Variants in WDR12 observed in about 807,000 individuals in gnomAD.
The protein encoded by WDR12 is ribosome biogenesis protein WDR12.
In WDR12, 42 loss-of-function variants were observed where a neutral mutation model predicts 64.3. The observed-to-expected ratio is 0.65, with a 90% CI of 0.51 to 0.84. WDR12 has a LOEUF of 0.84. WDR12 is among the 40% of genes least tolerant of loss of function. The pLI is 0.00. For synonymous variants in WDR12, 158 were observed against 173.3 expected (o/e 0.91, Z 0.70); for missense variants, 469 against 494.6 (o/e 0.95, Z 0.49).
At chr2:202,884,562 A>G (rs1175907804) in intron 8 of WDR12, 27 bp from the exon 9 acceptor site, 21 of 1,590,140 alleles carry the variant, frequency 1.3e-5, no homozygotes, top group Non-Finnish European at 1.7e-5. Flanking sequence ...CCAAAAGGGG[A>G]AAGTGTTTTC....
At chr2:202,881,759 G>A (rs1213322401) in intron 12 of WDR12, among the ~76,000 whole-genome samples, 4 of 152,072 alleles carry the variant, frequency 2.6e-5, no homozygotes, top group East Asian at 3.9e-4. Flanking sequence ...ACATGGGGGC[G>A]GGAGGATTGC....
Position 202,901,102 on chromosome 2 carries a change from C to A in WDR12, c.154G>T (p.Glu52Ter). ...KDKNEFHKHV[E>*]FDFLIKGQFL... ...TGGCCCTTAATAAGGAAATCAAACT[C>A]CACATGTTTGTGGAACTCTGAGGAA... The change falls in exon 3 of 13, where the codon GAG becomes TAG. Residue 52 changes from glutamate (E) to a stop codon, truncating the protein, a stop_gained. Coordinates refer to ENST00000261015, the MANE Select transcript of WDR12 (RefSeq NM_018256.4). LOFTEE classifies it high-confidence loss of function. The A allele has an allele frequency of 6.3e-7, 1 of 1,593,936 alleles. No individual in the cohort carries two copies. The highest frequency in any genetic ancestry group is 8.6e-7 in the Non-Finnish European group (1 of 1,166,114).
chr2:202,907,377 T>C (rs923227542), intron 2 of WDR12, among the ~76,000 whole-genome samples: 1 of 152,212 alleles, frequency 6.6e-6, no homozygotes, highest in African/African-American at 2.4e-5. Flanking sequence ...CTTCCATGTT[T>C]TGTTATATCC....
chr2:202,909,114 T>C (rs2105913290), intron 1 of WDR12, among the ~76,000 whole-genome samples: 1 of 152,342 alleles, frequency 6.6e-6, no homozygotes, highest in African/African-American at 2.4e-5. Flanking sequence ...GCAGTTGCTT[T>C]GGAAAACAGT....
chr2:202,896,777 A>G (rs1364073676), intron 5 of WDR12, among the ~76,000 whole-genome samples: 2 of 152,194 alleles, frequency 1.3e-5, no homozygotes, highest in African/African-American at 2.4e-5. Context: ...TCATGATGTC[A>G]GGAGTTCGAG....
intron 8 of WDR12, among the ~76,000 whole-genome samples, chr2:202,889,188 T>C (rs1442847863): frequency 1.3e-5 from 2 of 152,236 alleles, no homozygotes; most frequent in Non-Finnish European, 2.9e-5. Flanking sequence ...TATACTATTA[T>C]TTCTCTCAAA....
intron 3 of WDR12, among the ~76,000 whole-genome samples, chr2:202,900,683 C>A (rs1688332832): frequency 6.6e-6 from 1 of 152,088 alleles, no homozygotes; most frequent in African/African-American, 2.4e-5. Context: ...ATTTTGTGCA[C>A]CAGTATTTGT....
At chr2:202,894,982 C>T (rs1220835806) in intron 6 of WDR12, among the ~76,000 whole-genome samples, 2 of 152,150 alleles carry the variant, frequency 1.3e-5, no homozygotes, top group Non-Finnish European at 2.9e-5. Context: ...TCAATCTTTC[C>T]TTGGATCTCA....
Position 202,901,010 on chromosome 2 carries a change from A to G in WDR12, c.231+15T>C. ...TGCCTCAAGTGAAATACAGAAGATA[A>G]GAATTTGAACTTACTGATGAGATGT... On this transcript the variant is annotated intron_variant, in intron 3 of 12. Transcript: ENST00000261015. The G allele has an allele frequency of 6.4e-7, 1 of 1,564,228 alleles. No homozygotes were observed. Among genetic ancestry groups the G allele is most frequent in the South Asian group, 1.2e-5 (1 of 83,516 alleles).
chr2:202,889,993 G>C (rs1688121650), intron 8 of WDR12, among the ~76,000 whole-genome samples: 1 of 152,108 alleles, frequency 6.6e-6, no homozygotes, highest in African/African-American at 2.4e-5. Context: ...TTCGGAGGCT[G>C]AGGCAAGCAG....
intron 2 of WDR12, among the ~76,000 whole-genome samples, chr2:202,904,138 C>CAAAAAA (rs34378996): frequency 1.1e-3 from 43 of 38,510 alleles, no homozygotes; most frequent in South Asian, 2.2e-3. Context: ...AACTCTGTCT[C>CAAAAAA]AAAAAAAAAA....
intron 10 of WDR12, among the ~76,000 whole-genome samples, chr2:202,883,987 A>G (rs574449974): frequency 5.5e-4 from 83 of 151,962 alleles, no homozygotes; most frequent in African/African-American, 2.0e-3. Context: ...TGATTTTTGT[A>G]TTTTTAGTAA....
intron 8 of WDR12, among the ~76,000 whole-genome samples, chr2:202,889,986 G>A (rs562992984): frequency 2.0e-5 from 3 of 152,108 alleles, no homozygotes; most frequent in East Asian, 3.9e-4. Flanking sequence ...AGAGGCTTTC[G>A]GAGGCTGAGG....
chr2:202,882,971 CATTT>C (rs1687981960), intron 11 of WDR12, 188 bp from the exon 12 acceptor site: 3 of 495,984 alleles, frequency 6.0e-6, no homozygotes, highest in South Asian at 3.0e-5. Flanking sequence ...AGACCACAGA[CATTT>C]ATTATAACAA....
At chr2:202,910,332 G>C (rs1574413547) in intron 1 of WDR12, among the ~76,000 whole-genome samples, 1 of 152,064 alleles carries the variant, frequency 6.6e-6, no homozygotes, top group East Asian at 1.9e-4. Context: ...AGACCAGCAT[G>C]GCCACCAAGA....
chr2:202,906,538 C>T (rs1688459508), intron 2 of WDR12, among the ~76,000 whole-genome samples: 1 of 152,196 alleles, frequency 6.6e-6, no homozygotes. Flanking sequence ...GTCAGAAGAG[C>T]TCTGCAGCAT....
intron 8 of WDR12, among the ~76,000 whole-genome samples, chr2:202,891,836 G>C (rs1489426370): frequency 6.6e-6 from 1 of 152,110 alleles, no homozygotes; most frequent in Non-Finnish European, 1.5e-5. Context: ...CTTTGTAACA[G>C]GATAAATAAT....
At chr2:202,885,885 C>A (rs1162763632) in intron 8 of WDR12, among the ~76,000 whole-genome samples, 2 of 152,018 alleles carry the variant, frequency 1.3e-5, no homozygotes, top group African/African-American at 4.8e-5. Flanking sequence ...CATAGTAAGA[C>A]CCCGTCTCTA....
At chr2:202,902,354 G>A (rs1209500562) in intron 2 of WDR12, among the ~76,000 whole-genome samples, 1 of 152,182 alleles carries the variant, frequency 6.6e-6, no homozygotes, top group Non-Finnish European at 1.5e-5. Flanking sequence ...AACACTGAGT[G>A]TCAACTTGAT....
Sources: gnomAD v4.1 joint callset for allele counts (sites outside exome capture counted in the v4.1 genomes callset) on GRCh38, gnomAD v4.1.1 for gene constraint, MANE v1.5 for transcripts, NCBI Gene and HGNC (gene_info 2026-07-23, HGNC 2026-07-21) for gene names.